The following ERVK3-1 variants were observed in gnomAD, a reference collection of about 807,000 sequenced individuals.
The protein encoded by ERVK3-1 is endogenous retrovirus group K3 member 1, also known as HERV-K(HML6-1).
Position 58,312,769 on chromosome 19 carries a change from T to C in ERVK3-1, c.294+307T>C, listed in dbSNP as rs1051020771. Among the ~76,000 whole-genome samples the C allele has an allele frequency of 6.6e-5, 10 of 152,216 alleles. No individual in the cohort carries two copies. Among genetic ancestry groups the C allele is most frequent in the African/African-American group, 1.9e-4 (8 of 41,450 alleles). On this transcript the variant is annotated intron_variant, in intron 3 of 3. Coordinates refer to ENST00000413518, the Ensembl canonical transcript of ERVK3-1. The surrounding 1 kb of genome is among the most constrained non-coding windows in gnomAD (Gnocchi z 4.7). ...ATTTATTAGGCCTCAGCTTTATTAA[T>C]GTTACTGGCGTGTTCACCAATCACT...
Position 58,312,061 on chromosome 19 carries a change from G to T in ERVK3-1, c.-3-105G>T. 2.5e-6 allele frequency: 1 copy of T among 398,102 alleles called. No homozygotes were observed. The allele number at this position is 398,102 out of a possible 1,614,324, so 24.7% of individuals were successfully genotyped here. On this transcript the variant is annotated intron_variant, in intron 2 of 3. Transcript: ENST00000413518. This position sits in a 1 kb window ranked among gnomAD's most constrained non-coding sequence, Gnocchi z 4.7. ...CACTGGCAACTGCTAGAGGAAAAGAGGCAAGTTTATCCAAAAGTGTTATGG... is the reference window on the plus strand; with the variant it reads ...CACTGGCAACTGCTAGAGGAAAAGATGCAAGTTTATCCAAAAGTGTTATGG...
intron 2 of ERVK3-1, among the ~76,000 whole-genome samples, chr19:58,307,171 C>T (rs1205539685): frequency 6.6e-6 from 1 of 152,334 alleles, no homozygotes; most frequent in South Asian, 2.1e-4. Flanking sequence ...CGTGCCTGGG[C>T]CACCATTCCT....
intron 2 of ERVK3-1, chr19:58,311,881 T>G: frequency 8.5e-6 from 2 of 236,154 alleles, no homozygotes; most frequent in South Asian, 1.8e-4. Context: ...GGGCCAGGCA[T>G]TATTGAGCGG....
chr19:58,309,602 T>G (rs1481316402), intron 2 of ERVK3-1: 2 of 152,244 alleles, frequency 1.3e-5, no homozygotes, highest in Non-Finnish European at 2.9e-5. Context: ...AGAAAGATGC[T>G]TCAGCAACGA....
chr19:58,308,746 G>T (rs889083497), intron 2 of ERVK3-1, among the ~76,000 whole-genome samples: 4 of 152,172 alleles, frequency 2.6e-5, no homozygotes, highest in African/African-American at 9.6e-5. Context: ...ATAAACCTGT[G>T]TGGGTGGATC....
At position 58,313,339 on chromosome 19, in the gene ERVK3-1, T is replaced by C. The variant is rs766448425; in HGVS notation, c.294+877T>C. On this transcript the variant is annotated intron_variant, in intron 3 of 3. Transcript: ENST00000413518. This position sits in a 1 kb window ranked among gnomAD's most constrained non-coding sequence, Gnocchi z 4.5. Reference sequence around the variant, plus strand: ...TCTCACTCTGTCGCCCAGGCTGGAGTGCAGTGGCGCAATCTCGGGTCACTG... The same window carrying C: ...TCTCACTCTGTCGCCCAGGCTGGAGCGCAGTGGCGCAATCTCGGGTCACTG... 1.3e-5 allele frequency among the ~76,000 whole-genome samples: 2 copies of C among 152,176 alleles called. No homozygotes were observed. The highest frequency in any genetic ancestry group is 4.8e-5 in the African/African-American group (2 of 41,444).
intron 2 of ERVK3-1, chr19:58,309,551 C>T (rs1306453336): frequency 6.6e-6 from 1 of 152,218 alleles, no homozygotes; most frequent in African/African-American, 2.4e-5. Context: ...AGATTCCCCT[C>T]GGCAACTTAC....
intron 2 of ERVK3-1, 92 bp downstream of exon 2, chr19:58,306,308 C>G (rs975546600): frequency 1.3e-5 from 2 of 152,192 alleles, no homozygotes; most frequent in Non-Finnish European, 2.9e-5. Context: ...ACATTATGTG[C>G]AGCTGCTTAA....
chr19:58,314,687 A>G (rs2051579372), intron 3 of ERVK3-1, 61 bp from the exon 4 acceptor site: 2 of 393,642 alleles, frequency 5.1e-6, no homozygotes, highest in Admixed American at 4.5e-5. Context: ...CATAACTTCA[A>G]TGTCTCTTTT....
At chr19:58,311,668 T>TA (rs1161057575) in intron 2 of ERVK3-1, 1 of 152,240 alleles carries the variant, frequency 6.6e-6, no homozygotes, top group East Asian at 1.9e-4. Context: ...TATAGACACT[T>TA]ACTCCCATAT....
intron 2 of ERVK3-1, 168 bp from the exon 3 acceptor site, chr19:58,311,998 T>C (rs962860092): frequency 2.8e-5 from 11 of 395,390 alleles, no homozygotes; most frequent in African/African-American, 2.3e-4. Context: ...TTAAATTGTT[T>C]GACTCCTGGT....
rs1209745955 is a variant in ERVK3-1 at position 58,312,192 on chromosome 19, T to A, written c.24T>A (p.Pro8=). 2.5e-6 allele frequency: 1 copy of A among 400,028 alleles called. No individual in the cohort carries two copies. Among genetic ancestry groups the A allele is most frequent in the East Asian group, 3.6e-5 (1 of 28,086 alleles). The allele number at this position is 400,028 out of a possible 1,614,324, so 24.8% of individuals were successfully genotyped here. ...AGATGGACAAACCGTGTGGGTGCCC[T>A]CCAGGTGTGTGTGACCATGGAACGG... The change falls in exon 3 of 4, where the codon CCT becomes CCA. Residue 8 remains proline, a synonymous_variant. Transcript: ENST00000413518. The surrounding 1 kb of genome is among the most constrained non-coding windows in gnomAD (Gnocchi z 4.7).
chr19:58,314,585 C>T (rs1449952361), intron 3 of ERVK3-1, among the ~76,000 whole-genome samples, 163 bp from the exon 4 acceptor site: 1 of 142,118 alleles, frequency 7.0e-6, no homozygotes, highest in Non-Finnish European at 1.5e-5. Flanking sequence ...CAAGATGGCG[C>T]CACTGCACTC....
intron 3 of ERVK3-1, among the ~76,000 whole-genome samples, chr19:58,314,120 T>G (rs982135130): frequency 6.6e-6 from 1 of 152,172 alleles, no homozygotes; most frequent in Non-Finnish European, 1.5e-5. Flanking sequence ...GCACTGTCAT[T>G]TCAATCATAT....
Position 58,313,927 on chromosome 19 carries a change from A to G in ERVK3-1, c.295-821A>G, listed in dbSNP as rs1434157024. Among the ~76,000 whole-genome samples the G allele has an allele frequency of 6.6e-6, 1 of 152,252 alleles. No individual in the cohort carries two copies. The highest frequency in any genetic ancestry group is 1.5e-5 in the Non-Finnish European group (1 of 68,050). On this transcript the variant is annotated intron_variant, in intron 3 of 3. Coordinates refer to ENST00000413518, the Ensembl canonical transcript of ERVK3-1. The surrounding 1 kb of genome is among the most constrained non-coding windows in gnomAD (Gnocchi z 4.5). Reference sequence around the variant, plus strand: ...TAATAACCTCGGTTGTAGTGTCCTCAGTAGCACTACATAGTTCTATTCAAA... The same window carrying G: ...TAATAACCTCGGTTGTAGTGTCCTCGGTAGCACTACATAGTTCTATTCAAA...
At chr19:58,307,253 T>C (rs939907996) in intron 2 of ERVK3-1, among the ~76,000 whole-genome samples, 3 of 152,270 alleles carry the variant, frequency 2.0e-5, no homozygotes, top group Non-Finnish European at 2.9e-5. Flanking sequence ...CACAATTTAT[T>C]GCACAGTTAC....
chr19:58,307,176 A>G (rs915207867), intron 2 of ERVK3-1, among the ~76,000 whole-genome samples: 1 of 152,240 alleles, frequency 6.6e-6, no homozygotes. Context: ...CTGGGCCACC[A>G]TTCCTGAGAA....
At chr19:58,316,605 A>G (rs2051594132), downstream of ERVK3-1, among the ~76,000 whole-genome samples, 1 of 152,204 alleles carries the variant, frequency 6.6e-6, no homozygotes, top group South Asian at 2.1e-4. Flanking sequence ...CAGGACATAG[A>G]GATTGTGGTG....
chr19:58,315,780 A>G (rs114790741), downstream of ERVK3-1: 141 of 152,330 alleles, frequency 9.3e-4, no homozygotes, highest in African/African-American at 3.3e-3. Context: ...ATGCATGGCC[A>G]TGACCACACC....
Sources: allele counts gnomAD v4.1 joint callset (sites outside exome capture counted in the v4.1 genomes callset), GRCh38; gene constraint gnomAD v4.1.1; non-coding constraint Gnocchi (gnomAD v3.1); transcripts MANE v1.5; gene names NCBI Gene and HGNC (gene_info 2026-07-23, HGNC 2026-07-21).